NEGR1: variants seen among roughly 807,000 people sequenced by gnomAD.
NEGR1 encodes neuronal growth regulator 1, also known as IgLON family member 4.
A neutral mutation model predicts 40.9 loss-of-function variants in NEGR1; 10 were observed. The observed-to-expected ratio is 0.24, with a 90% CI of 0.15 to 0.42. NEGR1 has a LOEUF of 0.42. Among genes scored for constraint, NEGR1 ranks in the 10% least tolerant of loss-of-function variants. The pLI is 1.00. For missense variants in NEGR1, 352 were observed against 438.9 expected (o/e 0.80, Z 1.77); for synonymous variants, 185 against 166.8 (o/e 1.11, Z -0.84).
chr1:71,755,806 T>C (rs1474425024), intron 3 of NEGR1, among the ~76,000 whole-genome samples: 2 of 152,182 alleles, frequency 1.3e-5, no homozygotes, highest in African/African-American at 4.8e-5. Flanking sequence ...TTGATGGTGG[T>C]AGCTATAATT....
At chr1:71,785,960 G>T (rs1279199927) in intron 2 of NEGR1, among the ~76,000 whole-genome samples, 1 of 152,130 alleles carries the variant, frequency 6.6e-6, no homozygotes, top group African/African-American at 2.4e-5. Flanking sequence ...CTGCTCTGGT[G>T]TTTTATGCAT....
At chr1:71,667,769 T>C (rs1652291046) in intron 4 of NEGR1, among the ~76,000 whole-genome samples, 2 of 152,174 alleles carry the variant, frequency 1.3e-5, no homozygotes, top group South Asian at 4.1e-4. Flanking sequence ...AAATCTTTCC[T>C]TATCCTCACT....
At chr1:71,883,928 T>G (rs549799307) in intron 2 of NEGR1, among the ~76,000 whole-genome samples, 62 of 152,218 alleles carry the variant, frequency 4.1e-4, no homozygotes, top group African/African-American at 1.4e-3. Flanking sequence ...AACGAAAATA[T>G]TTAAACAAGA....
chr1:72,001,946 T>G (rs1398406941), intron 1 of NEGR1, among the ~76,000 whole-genome samples: 1 of 152,068 alleles, frequency 6.6e-6, no homozygotes, highest in Non-Finnish European at 1.5e-5. Context: ...AAAATCAACC[T>G]GAAAACTCAT....
chr1:71,834,939 C>T (rs1570411186), intron 2 of NEGR1, among the ~76,000 whole-genome samples: 1 of 119,070 alleles, frequency 8.4e-6, no homozygotes, highest in Non-Finnish European at 1.8e-5. Flanking sequence ...TATGAAAACA[C>T]CCAACATGTA....
intron 3 of NEGR1, among the ~76,000 whole-genome samples, chr1:71,711,554 G>A (rs1307783827): frequency 1.3e-5 from 2 of 151,544 alleles, no homozygotes; most frequent in East Asian, 3.9e-4. Context: ...GCTGGTGTGA[G>A]TGTGAAATGG....
intron 1 of NEGR1, among the ~76,000 whole-genome samples, chr1:72,033,573 C>T (rs1450119846): frequency 6.6e-6 from 1 of 152,182 alleles, no homozygotes; most frequent in Non-Finnish European, 1.5e-5. Context: ...ACATTTTAAA[C>T]ATATTAACAT....
At chr1:72,081,514 T>C (rs915342220) in intron 1 of NEGR1, among the ~76,000 whole-genome samples, 1 of 152,230 alleles carries the variant, frequency 6.6e-6, no homozygotes, top group East Asian at 1.9e-4. Context: ...TTTAAAGTTA[T>C]ATGTTTCTGT....
intron 1 of NEGR1, among the ~76,000 whole-genome samples, chr1:72,109,978 C>A (rs916873358): frequency 6.6e-6 from 1 of 151,504 alleles, no homozygotes; most frequent in African/African-American, 2.4e-5. Context: ...ATTTAGGAAT[C>A]CACAGTGTAG....
chr1:71,995,128 C>G (rs558602230), intron 1 of NEGR1, among the ~76,000 whole-genome samples: 44 of 151,938 alleles, frequency 2.9e-4, no homozygotes, highest in Non-Finnish European at 6.0e-4. Context: ...AATGCTTTTA[C>G]CCACACAGAA....
intron 1 of NEGR1, among the ~76,000 whole-genome samples, chr1:72,183,850 T>A (rs1258228399): frequency 1.3e-5 from 2 of 152,120 alleles, no homozygotes; most frequent in Non-Finnish European, 2.9e-5. Flanking sequence ...GAGCTGACAT[T>A]TGAGATTGGC....
At chr1:72,246,281 CATTGT>C (rs1404841731) in intron 1 of NEGR1, among the ~76,000 whole-genome samples, 1 of 152,100 alleles carries the variant, frequency 6.6e-6, no homozygotes, top group African/African-American at 2.4e-5. Flanking sequence ...ATTGTATTCC[CATTGT>C]ATTGTATAAA....
At chr1:71,902,214 G>A (rs1480321405) in intron 2 of NEGR1, among the ~76,000 whole-genome samples, 1 of 152,156 alleles carries the variant, frequency 6.6e-6, no homozygotes, top group African/African-American at 2.4e-5. Flanking sequence ...TCATCACCCA[G>A]TGTCCACTGT....
chr1:71,811,094 C>T (rs1403561695), intron 2 of NEGR1, among the ~76,000 whole-genome samples: 3 of 152,130 alleles, frequency 2.0e-5, no homozygotes, highest in Non-Finnish European at 4.4e-5. Context: ...TGTGAAACAT[C>T]TTCATTAGAA....
At chr1:71,732,120 C>A (rs1054945883) in intron 3 of NEGR1, among the ~76,000 whole-genome samples, 1 of 152,040 alleles carries the variant, frequency 6.6e-6, no homozygotes, top group Non-Finnish European at 1.5e-5. Context: ...CCAGCCTGGG[C>A]AACATGGTGA....
At chr1:72,034,567 G>GAATTT (rs1239914311) in intron 1 of NEGR1, among the ~76,000 whole-genome samples, 1 of 151,920 alleles carries the variant, frequency 6.6e-6, no homozygotes, top group East Asian at 1.9e-4. Flanking sequence ...AGATAAAGCA[G>GAATTT]GTAAAAAAAT....
chr1:71,506,105 T>G (rs1647033404), intron 6 of NEGR1, among the ~76,000 whole-genome samples: 2 of 152,296 alleles, frequency 1.3e-5, no homozygotes, highest in South Asian at 4.1e-4. Context: ...TTTTTAGGTT[T>G]GACTGGCTAC....
At chr1:72,263,578 G>A (rs527518470) in intron 1 of NEGR1, among the ~76,000 whole-genome samples, 17 of 151,652 alleles carry the variant, frequency 1.1e-4, no homozygotes, top group African/African-American at 3.4e-4. Context: ...TTAAATATAC[G>A]CTTAATAAAA....
intron 1 of NEGR1, among the ~76,000 whole-genome samples, chr1:72,188,359 C>T (rs917662189): frequency 4.0e-5 from 6 of 151,406 alleles, no homozygotes; most frequent in Admixed American, 1.3e-4. Flanking sequence ...TTTCAATCTT[C>T]GCATTCTGTG....
Sources: allele counts gnomAD v4.1 joint callset (sites outside exome capture counted in the v4.1 genomes callset), GRCh38; gene constraint gnomAD v4.1.1; transcripts MANE v1.5; gene names NCBI Gene and HGNC (gene_info 2026-07-23, HGNC 2026-07-21).